The following MAGEC3 variants were observed in gnomAD, a reference collection of about 807,000 sequenced individuals.
MAGEC3 encodes the protein MAGE family member C3.
In MAGEC3, 34 loss-of-function variants were observed where a neutral mutation model predicts 35.3. The observed-to-expected ratio is 0.96, with a 90% CI of 0.73 to 1.28. MAGEC3 has a LOEUF of 1.28. MAGEC3 is among the 50% of genes most tolerant of loss of function. The pLI is 0.00. For synonymous variants in MAGEC3, 202 were observed against 185.6 expected (o/e 1.09, Z -0.72); for missense variants, 561 against 483.6 (o/e 1.16, Z -1.50).
intron 5 of MAGEC3, 23 bp from the exon 6 acceptor site, chrX:141,895,462 C>G (rs762413293): frequency 2.5e-6 from 3 of 1,210,679 alleles, no homozygotes; most frequent in African/African-American, 3.5e-5. Context: ...GAAGAAGCCC[C>G]GGTCTGCCCT....
At chrX:141,855,513 T>C (rs1230269646) in intron 1 of MAGEC3, among the ~76,000 whole-genome samples, 1 of 106,760 alleles carries the variant, frequency 9.4e-6, no homozygotes, top group African/African-American at 3.3e-5. Flanking sequence ...TCTATATATA[T>C]GATATAACAT....
intron 2 of MAGEC3, among the ~76,000 whole-genome samples, chrX:141,865,919 G>A (rs1359756157): frequency 4.5e-5 from 5 of 111,679 alleles, no homozygotes; most frequent in Non-Finnish European, 9.4e-5. Flanking sequence ...GAGGTCCCAT[G>A]CATGGGTATC....
At chrX:141,885,509 A>G (rs1380828139) in intron 4 of MAGEC3, among the ~76,000 whole-genome samples, 1 of 108,242 alleles carries the variant, frequency 9.2e-6, no homozygotes, top group Non-Finnish European at 1.9e-5. Flanking sequence ...TACTAAAAAT[A>G]CAAAAATTAG....
intron 6 of MAGEC3, among the ~76,000 whole-genome samples, chrX:141,895,850 T>TA (rs2018088367): frequency 9.1e-6 from 1 of 110,408 alleles, no homozygotes; most frequent in Admixed American, 9.6e-5. Context: ...CTGCTGGTGA[T>TA]AAGAGTGAGG....
At position 141,879,312 on chromosome X, in the gene MAGEC3, C is replaced by G. The variant is rs769899813; in HGVS notation, c.396C>G (p.Asn132Lys). The G allele has an allele frequency of 1.7e-6, 2 of 1,203,427 alleles. No homozygotes were observed. The highest frequency in any genetic ancestry group is 2.2e-6 in the Non-Finnish European group (2 of 892,068). ...AGGAACCCCAGGACTGGCCACTCAA[C>G]GAGAAGAGAACTCTGTGGAAGGACA... ...QREEPQDWPL[N>K]EKRTLWKDSD... Residue 132 changes from asparagine (N) to lysine (K), a missense_variant, in exon 3 of 8, where the codon AAC becomes AAG. Transcript: ENST00000298296.
At chrX:141,886,778 AGGCTATTATGAAG>A (rs1264747599) in intron 4 of MAGEC3, among the ~76,000 whole-genome samples, 1 of 111,414 alleles carries the variant, frequency 9.0e-6, no homozygotes, top group Non-Finnish European at 1.9e-5. Flanking sequence ...ATGAAGGGAA[AGGCTATTATGAAG>A]GGCTATTATG....
At chrX:141,845,427 T>G (rs1321681582) in intron 1 of MAGEC3, among the ~76,000 whole-genome samples, 1 of 111,327 alleles carries the variant, frequency 9.0e-6, no homozygotes, top group Admixed American at 9.5e-5. Flanking sequence ...TATGCCAATA[T>G]TAAGCTTTAA....
At position 141,881,867 on chromosome X, in the gene MAGEC3, G is replaced by A. The variant is rs1015182757; in HGVS notation, c.909+71G>A. 1.1e-5 allele frequency: 13 copies of A among 1,158,398 alleles called. No homozygotes were observed. The Admixed American group carries it at 2.4e-4, about 22-fold the overall frequency. ...CTTGTCACTAAAGTTTGAGTGCAGG[G>A]ACATTACCTGGAGTAGCGACATGTG... On this transcript the variant is annotated intron_variant, in intron 4 of 7. Coordinates refer to ENST00000298296, the MANE Select transcript of MAGEC3 (RefSeq NM_138702.1).
chrX:141,851,345 A>G (rs1265181751), intron 1 of MAGEC3, among the ~76,000 whole-genome samples: 1 of 109,679 alleles, frequency 9.1e-6, no homozygotes, highest in Non-Finnish European at 1.9e-5. Flanking sequence ...CACTTTTAAT[A>G]TATTATATTA....
chrX:141,895,439 C>T (rs372595453), intron 5 of MAGEC3, 32 bp downstream of exon 5: 24 of 1,208,254 alleles, frequency 2.0e-5, no homozygotes, highest in Admixed American at 4.4e-5. Flanking sequence ...TGAGGGACTT[C>T]GCACCAAGGA....
chrX:141,892,319 G>T (rs1009279843), intron 4 of MAGEC3, among the ~76,000 whole-genome samples: 1 of 111,355 alleles, frequency 9.0e-6, no homozygotes, highest in African/African-American at 3.3e-5. Flanking sequence ...GTTTATTTCT[G>T]TGCAATAATG....
At chrX:141,857,568 A>T (rs745613982) in intron 1 of MAGEC3, among the ~76,000 whole-genome samples, 1 of 111,212 alleles carries the variant, frequency 9.0e-6, no homozygotes, top group South Asian at 3.8e-4. Context: ...AGCTTTAGTT[A>T]TGGAAACGTT....
At chrX:141,849,272 A>T (rs1393222807) in intron 1 of MAGEC3, among the ~76,000 whole-genome samples, 2 of 111,293 alleles carry the variant, frequency 1.8e-5, no homozygotes, top group African/African-American at 6.5e-5. Context: ...AAATATATAG[A>T]AATTAACTCA....
rs764388222 is a variant in MAGEC3, at chrX:141,891,669, A to ATATATATGCATATATAAATATATATATT, written c.910-3556_910-3529dup. 1.9e-3 allele frequency among the ~76,000 whole-genome samples: 194 copies of ATATATATGCATATATAAATATATATATT among 103,835 alleles called. 2 individuals carry two copies. Among genetic ancestry groups the ATATATATGCATATATAAATATATATATT allele is most frequent in the African/African-American group, 4.3e-3 (123 of 28,383 alleles). The allele number at this position is 103,835 out of a possible 115,157, so 90.2% of individuals were successfully genotyped here. A position where few individuals can be genotyped will look rare whatever the true frequency, so the allele number is the denominator to read the frequency against. ...TAGATGTGGTAATGTGTGTGTGTAT[A>ATATATATGCATATATAAATATATATATT]TATATATGCATATATAAATATATAT... On this transcript the variant is annotated intron_variant, in intron 4 of 7. Coordinates refer to ENST00000298296, the MANE Select transcript of MAGEC3 (RefSeq NM_138702.1).
intron 1 of MAGEC3, among the ~76,000 whole-genome samples, chrX:141,863,931 A>G (rs145932888): frequency 0.017 from 1,848 of 111,566 alleles, 10 homozygotes; most frequent in Middle Eastern, 0.042. Flanking sequence ...TAGACATTCC[A>G]AAAAAGGTAA....
intron 1 of MAGEC3, among the ~76,000 whole-genome samples, chrX:141,854,779 CA>C (rs2017770597): frequency 9.0e-6 from 1 of 111,472 alleles, no homozygotes; most frequent in African/African-American, 3.3e-5. Flanking sequence ...ATGTTCCAGT[CA>C]AAAGATTCTG....
intron 3 of MAGEC3, chrX:141,880,773 A>AC (rs1418359163): frequency 1.7e-5 from 16 of 944,637 alleles, no homozygotes; most frequent in Non-Finnish European, 2.1e-5. Context: ...CAGGGGACAA[A>AC]CCCCCTAGGA....
At chrX:141,890,445 G>C (rs2018032932) in intron 4 of MAGEC3, among the ~76,000 whole-genome samples, 1 of 110,966 alleles carries the variant, frequency 9.0e-6, no homozygotes, top group Non-Finnish European at 1.9e-5. Flanking sequence ...GACCTCAAGT[G>C]ATCTGCCCGC....
intron 4 of MAGEC3, among the ~76,000 whole-genome samples, 184 bp from the exon 5 acceptor site, chrX:141,895,085 A>G (rs1361878878): frequency 4.5e-5 from 1 of 22,442 alleles, no homozygotes; most frequent in African/African-American, 2.2e-4. Context: ...AAGGAGAGGA[A>G]GGGGTCAGGG....
Sources: allele counts gnomAD v4.1 joint callset (sites outside exome capture counted in the v4.1 genomes callset), GRCh38; gene constraint gnomAD v4.1.1; transcripts MANE v1.5; gene names NCBI Gene and HGNC (gene_info 2026-07-23, HGNC 2026-07-21).